The following MIPOL1 variants were observed in gnomAD, a reference collection of about 807,000 sequenced individuals.
MIPOL1 encodes mirror-image polydactyly 1, also known as mirror-image polydactyly gene 1 protein.
A neutral mutation model predicts 60.9 loss-of-function variants in MIPOL1; 57 were observed. The ratio of observed to expected loss-of-function variants is 0.94; its 90% CI spans 0.76 to 1.17. The LOEUF (loss-of-function observed/expected upper bound fraction) is 1.17, where lower values mean the gene tolerates loss of function less well. Ranked by LOEUF, MIPOL1 falls within the 50% of genes most tolerant of loss-of-function variation. The pLI is 0.00. For synonymous variants in MIPOL1, 179 were observed against 168.8 expected (o/e 1.06, Z -0.47); for missense variants, 551 against 511.6 (o/e 1.08, Z -0.74).
chr14:37,516,063 T>G (rs2095367061), intron 12 of MIPOL1, among the ~76,000 whole-genome samples: 1 of 152,188 alleles, frequency 6.6e-6, no homozygotes, highest in African/African-American at 2.4e-5. Flanking sequence ...ACAAAGCTCT[T>G]TTCATCAATT....
chr14:37,277,735 C>G (rs905780633), intron 6 of MIPOL1: 3 of 151,224 alleles, frequency 2.0e-5, no homozygotes, highest in Non-Finnish European at 4.5e-5. Flanking sequence ...TAAAAGCTGA[C>G]TTTTAATCTA....
At chr14:37,315,849 A>G (rs919839615) in intron 9 of MIPOL1, among the ~76,000 whole-genome samples, 1 of 152,094 alleles carries the variant, frequency 6.6e-6, no homozygotes, top group African/African-American at 2.4e-5. Context: ...AAAGCTCACC[A>G]AAGAGAAGAG....
At chr14:37,220,062 C>T (rs1011750781) in intron 1 of MIPOL1, among the ~76,000 whole-genome samples, 2 of 151,910 alleles carry the variant, frequency 1.3e-5, no homozygotes, top group African/African-American at 4.8e-5. Flanking sequence ...ACTTTGTGTG[C>T]CTTTTGTTAT....
intron 12 of MIPOL1, among the ~76,000 whole-genome samples, chr14:37,518,665 C>T (rs2095389462): frequency 6.6e-6 from 1 of 152,132 alleles, no homozygotes; most frequent in Admixed American, 6.6e-5. Context: ...TTTTTCTTAG[C>T]TCTATCCTCT....
chr14:37,418,136 T>C (rs2093805416), intron 10 of MIPOL1, among the ~76,000 whole-genome samples: 1 of 152,218 alleles, frequency 6.6e-6, no homozygotes, highest in African/African-American at 2.4e-5. Flanking sequence ...TTCATGGTCT[T>C]GGAGTTACTA....
intron 12 of MIPOL1, among the ~76,000 whole-genome samples, chr14:37,527,184 C>A (rs1339607076): frequency 1.3e-5 from 2 of 151,606 alleles, no homozygotes; most frequent in Non-Finnish European, 2.9e-5. Context: ...ATTATATGCA[C>A]TGTAAGCAGT....
chr14:37,511,902 G>A, intron 12 of MIPOL1, among the ~76,000 whole-genome samples: 1 of 152,186 alleles, frequency 6.6e-6, no homozygotes, highest in South Asian at 2.1e-4. Context: ...ATGAGACAAA[G>A]AGATATAGAA....
At chr14:37,281,919 T>A (rs1594886808) in intron 6 of MIPOL1, among the ~76,000 whole-genome samples, 4 of 152,208 alleles carry the variant, frequency 2.6e-5, no homozygotes, top group Admixed American at 2.6e-4. Context: ...TGAAAAACAT[T>A]CTTATCATTT....
chr14:37,427,878 G>T (rs1380398310), intron 11 of MIPOL1, among the ~76,000 whole-genome samples: 2 of 152,058 alleles, frequency 1.3e-5, no homozygotes, highest in Non-Finnish European at 2.9e-5. Context: ...TGTTATAGAG[G>T]AAATGAAAAG....
In MIPOL1 at chr14:37,516,016, C is replaced by T. The variant is rs548795410; in HGVS notation, c.1262+15878C>T. Among the ~76,000 whole-genome samples, 44 of 152,268 alleles carry T rather than the reference C, an allele frequency of 2.9e-4. 1 individual carries two copies. The South Asian group carries it at 3.9e-3, about 14-fold the overall frequency. On this transcript the variant is annotated intron_variant, in intron 12 of 12. Transcript: ENST00000684589. ...TCATTGATGCGATCTGAGGGGAATG[C>T]CTAATGACTGGAAGAATCAAACTTG... is the stretch of plus-strand genomic sequence containing the variant.
chr14:37,322,002 TC>T (rs2088629028), intron 9 of MIPOL1, among the ~76,000 whole-genome samples: 1 of 151,988 alleles, frequency 6.6e-6, no homozygotes, highest in South Asian at 2.1e-4. Flanking sequence ...CCACTTGGAA[TC>T]TATTATTATA....
intron 11 of MIPOL1, among the ~76,000 whole-genome samples, chr14:37,475,300 C>T (rs1278908859): frequency 6.6e-6 from 1 of 152,056 alleles, no homozygotes; most frequent in Admixed American, 6.6e-5. Context: ...TTAAAGAGTT[C>T]TTTGTGTATT....
chr14:37,466,654 C>T (rs983186279), intron 11 of MIPOL1, among the ~76,000 whole-genome samples: 8 of 152,100 alleles, frequency 5.3e-5, no homozygotes, highest in South Asian at 2.1e-4. Flanking sequence ...CAAATCTTTT[C>T]GCTGAAGATG....
intron 11 of MIPOL1, among the ~76,000 whole-genome samples, chr14:37,451,083 T>C (rs2094410319): frequency 6.6e-6 from 1 of 152,136 alleles, no homozygotes; most frequent in Non-Finnish European, 1.5e-5. Flanking sequence ...TTGTTTCCTC[T>C]ACTCAAATTA....
At chr14:37,255,722 A>G (rs2153369410) in intron 3 of MIPOL1, among the ~76,000 whole-genome samples, 1 of 151,974 alleles carries the variant, frequency 6.6e-6, no homozygotes, top group Non-Finnish European at 1.5e-5. Flanking sequence ...TATAGTGTAA[A>G]TGATTGAATT....
chr14:37,469,697 G>A (rs959209198), intron 11 of MIPOL1, among the ~76,000 whole-genome samples: 1 of 152,044 alleles, frequency 6.6e-6, no homozygotes, highest in Non-Finnish European at 1.5e-5. Flanking sequence ...CAGCCATGAG[G>A]GCTCTGCCCT....
intron 10 of MIPOL1, among the ~76,000 whole-genome samples, chr14:37,412,569 A>G (rs1044415626): frequency 1.3e-5 from 2 of 152,078 alleles, no homozygotes; most frequent in Non-Finnish European, 2.9e-5. Context: ...AAGAATATAT[A>G]TTATATTATT....
intron 7 of MIPOL1, among the ~76,000 whole-genome samples, chr14:37,288,737 A>C (rs1387075986): frequency 6.6e-6 from 1 of 152,020 alleles, no homozygotes; most frequent in Non-Finnish European, 1.5e-5. Flanking sequence ...CTTGAGCCTC[A>C]GAGATGGAGG....
intron 2 of MIPOL1, 90 bp from the exon 3 acceptor site, chr14:37,247,739 C>A: frequency 1.6e-6 from 1 of 624,646 alleles, no homozygotes; most frequent in Non-Finnish European, 2.7e-6. Flanking sequence ...ACCATTTATC[C>A]TGTAAATTCT....
Sources: gnomAD v4.1 joint callset for allele counts (sites outside exome capture counted in the v4.1 genomes callset) on GRCh38, gnomAD v4.1.1 for gene constraint, MANE v1.5 for transcripts, NCBI Gene and HGNC (gene_info 2026-07-23, HGNC 2026-07-21) for gene names.